Variants in COL23A1 observed in about 807,000 individuals in gnomAD.
COL23A1 encodes the protein collagen alpha-1(XXIII) chain.
In COL23A1, 97 loss-of-function variants were observed where a neutral mutation model predicts 99.3. The observed-to-expected ratio is 0.98, with a 90% CI of 0.83 to 1.16. The LOEUF is 1.16. Ranked by LOEUF, COL23A1 falls within the 50% of genes most tolerant of loss-of-function variation. COL23A1 has a pLI of 0.00. For synonymous variants in COL23A1, 320 were observed against 308.2 expected (o/e 1.04, Z -0.40); for missense variants, 762 against 757.4 (o/e 1.01, Z -0.07).
intron 2 of COL23A1, among the ~76,000 whole-genome samples, chr5:178,481,416 C>G (rs1217755374): frequency 6.6e-6 from 1 of 152,092 alleles, no homozygotes; most frequent in East Asian, 1.9e-4. Context: ...TCAAAGGACA[C>G]TACTGAGAGA....
At chr5:178,292,216 C>T (rs1476039918) in intron 3 of COL23A1, among the ~76,000 whole-genome samples, 5 of 112,842 alleles carry the variant, frequency 4.4e-5, no homozygotes, top group East Asian at 2.1e-4. Context: ...CCAGCACTTG[C>T]GCCTGTGCCC....
chr5:178,467,081 G>A (rs1465712054), intron 2 of COL23A1, among the ~76,000 whole-genome samples: 1 of 152,252 alleles, frequency 6.6e-6, no homozygotes, highest in Non-Finnish European at 1.5e-5. Flanking sequence ...ACGAGGTTAA[G>A]TTGGAGAAAC....
intron 2 of COL23A1, among the ~76,000 whole-genome samples, chr5:178,513,492 A>T (rs1224548376): frequency 6.6e-6 from 1 of 152,180 alleles, no homozygotes; most frequent in Non-Finnish European, 1.5e-5. Context: ...AGTCCAGTAC[A>T]GGTCTCACCA....
At chr5:178,320,102 T>C (rs1759208364) in intron 2 of COL23A1, among the ~76,000 whole-genome samples, 1 of 105,454 alleles carries the variant, frequency 9.5e-6, no homozygotes, top group Non-Finnish European at 2.5e-5. Context: ...CCTCATGCAT[T>C]TGTTGTCACA....
rs1204869548 is a variant in COL23A1 at position 178,313,131 on chromosome 5, C to T, written c.362-6212G>A. On this transcript the variant is annotated intron_variant, in intron 2 of 28. Coordinates refer to ENST00000390654, the MANE Select transcript of COL23A1 (RefSeq NM_173465.4). This position sits in a 1 kb window ranked among gnomAD's most constrained non-coding sequence, Gnocchi z 4.2. Reference sequence around the variant, plus strand: ...GGAAGGATTCCACTTCTGGAGGCTCCTGCAGTCGCCAGATTCACAGGGGCA... The same window carrying T: ...GGAAGGATTCCACTTCTGGAGGCTCTTGCAGTCGCCAGATTCACAGGGGCA... Among the ~76,000 whole-genome samples the T allele has an allele frequency of 1.3e-5, 2 of 152,170 alleles. No individual in the cohort carries two copies. Among genetic ancestry groups the T allele is most frequent in the African/African-American group, 4.8e-5 (2 of 41,438 alleles).
At chr5:178,494,760 C>A (rs1378814897) in intron 2 of COL23A1, among the ~76,000 whole-genome samples, 2 of 152,186 alleles carry the variant, frequency 1.3e-5, no homozygotes, top group Non-Finnish European at 2.9e-5. Context: ...CTTCAAACAG[C>A]CCCTTTCCAC....
chr5:178,315,732 A>G (rs1758944448), intron 2 of COL23A1, among the ~76,000 whole-genome samples: 1 of 149,096 alleles, frequency 6.7e-6, no homozygotes, highest in Non-Finnish European at 1.5e-5. Flanking sequence ...AGGGAGGAAA[A>G]GCATCAACGT....
At chr5:178,538,769 G>A (rs924789407) in intron 2 of COL23A1, among the ~76,000 whole-genome samples, 2 of 152,194 alleles carry the variant, frequency 1.3e-5, no homozygotes, top group Non-Finnish European at 2.9e-5. Context: ...ACACACACTT[G>A]TACAAGAATG....
rs1005183443 is a variant in COL23A1 at position 178,443,255 on chromosome 5, T to C, written c.361+117427A>G. Among the ~76,000 whole-genome samples the C allele has an allele frequency of 9.9e-5, 15 of 152,224 alleles. 2 individuals are homozygous for C. Among genetic ancestry groups the C allele is most frequent in the Admixed American group, 6.5e-4 (10 of 15,280 alleles). Reference sequence around the variant, plus strand: ...AACGAACCCTACTTTCTCAGTGAGCTGCAACTTCAGAGCCTCGAGCGCTCT... The same window carrying C: ...AACGAACCCTACTTTCTCAGTGAGCCGCAACTTCAGAGCCTCGAGCGCTCT... On this transcript the variant is annotated intron_variant, in intron 2 of 28. Transcript: ENST00000390654.
At chr5:178,265,710 A>G (rs1755851929) in intron 8 of COL23A1, 1 of 985,782 alleles carries the variant, frequency 1.0e-6, no homozygotes, top group African/African-American at 1.7e-5. Context: ...GCCCGGATTG[A>G]GCCGTGGGAA....
chr5:178,495,697 A>G (rs1449883273), intron 2 of COL23A1, among the ~76,000 whole-genome samples: 2 of 152,090 alleles, frequency 1.3e-5, no homozygotes, highest in African/African-American at 4.8e-5. Flanking sequence ...GGGCACGGGG[A>G]CCAAGAAACA....
intron 5 of COL23A1, among the ~76,000 whole-genome samples, chr5:178,287,101 G>A (rs757879309): frequency 4.6e-5 from 7 of 152,226 alleles, no homozygotes; most frequent in South Asian, 2.1e-4. Flanking sequence ...CCAAAGGTCC[G>A]GGCTGCCGTG....
At chr5:178,563,131 T>C (rs1257343864) in intron 1 of COL23A1, among the ~76,000 whole-genome samples, 1 of 152,138 alleles carries the variant, frequency 6.6e-6, no homozygotes, top group African/African-American at 2.4e-5. Context: ...ATCACTGCAC[T>C]CCCCAGCCCT....
chr5:178,284,096 G>A (rs961653115), intron 5 of COL23A1, among the ~76,000 whole-genome samples: 1 of 152,174 alleles, frequency 6.6e-6, no homozygotes, highest in African/African-American at 2.4e-5. Flanking sequence ...GCCGTGCCTA[G>A]GGCTCCTCTG....
chr5:178,324,663 G>A (rs1759541215), intron 2 of COL23A1, among the ~76,000 whole-genome samples: 2 of 152,214 alleles, frequency 1.3e-5, no homozygotes, highest in Non-Finnish European at 2.9e-5. Context: ...ACAAGGCTGG[G>A]GTTCCGCCCC....
intron 18 of COL23A1, 100 bp from the exon 19 acceptor site, chr5:178,249,306 T>C (rs1436338210): frequency 8.5e-7 from 1 of 1,182,576 alleles, no homozygotes; most frequent in African/African-American, 1.5e-5. Context: ...GGGCCCCACT[T>C]TCTCTTTGTG....
intron 2 of COL23A1, among the ~76,000 whole-genome samples, chr5:178,465,665 C>A (rs1489699687): frequency 6.6e-6 from 1 of 152,202 alleles, no homozygotes; most frequent in African/African-American, 2.4e-5. Context: ...AGGCTCTGAG[C>A]CCTTTGGTGT....
intron 2 of COL23A1, among the ~76,000 whole-genome samples, chr5:178,452,748 C>CA (rs1309433992): frequency 6.6e-6 from 1 of 152,148 alleles, no homozygotes; most frequent in Non-Finnish European, 1.5e-5. Context: ...CTCCAAGACA[C>CA]AATTTTTTAC....
chr5:178,239,314 A>ATTGTGCCCCTGCCTCAGT, intron 27 of COL23A1, 135 bp from the exon 28 acceptor site: 3 of 952,938 alleles, frequency 3.1e-6, no homozygotes, highest in Non-Finnish European at 5.0e-6. Context: ...CCACTGAGGC[A>ATTGTGCCCCTGCCTCAGT]GGGGCACAAT....
Sources: allele counts gnomAD v4.1 joint callset (sites outside exome capture counted in the v4.1 genomes callset), GRCh38; gene constraint gnomAD v4.1.1; non-coding constraint Gnocchi (gnomAD v3.1); transcripts MANE v1.5; gene names NCBI Gene and HGNC (gene_info 2026-07-23, HGNC 2026-07-21).